Variants in RBPJ observed in about 807,000 individuals in gnomAD.
RBPJ encodes recombining binding protein suppressor of hairless.
A neutral mutation model predicts 67.8 loss-of-function variants in RBPJ; 9 were observed. That is an observed-to-expected ratio of 0.13 (90% CI 0.08 to 0.23). The LOEUF is 0.23. RBPJ is among the 10% of genes least tolerant of loss of function. The pLI, the probability that RBPJ is intolerant of heterozygous loss-of-function variation, is 1.00. For synonymous variants in RBPJ, 198 were observed against 203.3 expected, an observed-to-expected ratio of 0.97 and a Z score of 0.22; for missense variants, 305 against 595.6, an observed-to-expected ratio of 0.51 and a Z score of 5.08.
intron 1 of RBPJ, among the ~76,000 whole-genome samples, chr4:26,251,306 GC>G (rs2064965515): frequency 6.6e-6 from 1 of 152,030 alleles, no homozygotes; most frequent in South Asian, 2.1e-4. Flanking sequence ...AAAAGTGGTA[GC>G]AAAACTGGAC....
At chr4:26,162,626 G>T (rs1033084341), upstream of RBPJ, among the ~76,000 whole-genome samples, 1 of 152,168 alleles carries the variant, frequency 6.6e-6, no homozygotes, top group African/African-American at 2.4e-5. Flanking sequence ...TTCTACAGAT[G>T]AACAAATTGA....
intron 1 of RBPJ, among the ~76,000 whole-genome samples, chr4:26,178,082 A>G (rs1346500273): frequency 6.6e-6 from 1 of 152,252 alleles, no homozygotes; most frequent in Non-Finnish European, 1.5e-5. Context: ...CCAGGTAGAA[A>G]TAATATAGCA....
chr4:26,132,860 C>A, the RBPJ span, among the ~76,000 whole-genome samples: 3 of 152,170 alleles, frequency 2.0e-5, no homozygotes, highest in African/African-American at 7.2e-5. Context: ...GGGTCCTTAC[C>A]TAACAACCAG....
rs28418802 is a variant in RBPJ at position 26,379,681 on chromosome 4, A to G, written c.21-6672A>G. 1.8e-3 allele frequency among the ~76,000 whole-genome samples: 277 copies of G among 152,184 alleles called. 1 individual carries two copies. The highest frequency in any genetic ancestry group is 6.0e-3 in the African/African-American group (249 of 41,520). ...ACACATGGGGATTATGGGGATTACA[A>G]TTCAAGAGATTTGGGTAAGAACACA... On this transcript the variant is annotated intron_variant, in intron 1 of 10. Coordinates refer to ENST00000355476, the MANE Select transcript of RBPJ (RefSeq NM_015874.6).
At chr4:26,169,005 C>T (rs1716437523) in intron 1 of RBPJ, among the ~76,000 whole-genome samples, 1 of 152,176 alleles carries the variant, frequency 6.6e-6, no homozygotes, top group South Asian at 2.1e-4. Flanking sequence ...ACTTCCTTGC[C>T]TTTGGTTTGA....
At chr4:26,379,403 A>T (rs1455455462) in intron 1 of RBPJ, among the ~76,000 whole-genome samples, 1 of 152,116 alleles carries the variant, frequency 6.6e-6, no homozygotes, top group Non-Finnish European at 1.5e-5. Flanking sequence ...GAGACTGAAT[A>T]ATGTATAAAG....
At chr4:26,375,342 C>G (rs984942316) in intron 1 of RBPJ, among the ~76,000 whole-genome samples, 31 of 150,154 alleles carry the variant, frequency 2.1e-4, no homozygotes, top group Non-Finnish European at 3.7e-4. Flanking sequence ...GATACGCATG[C>G]AAAGTATGTA....
intron 1 of RBPJ, among the ~76,000 whole-genome samples, chr4:26,327,159 A>G (rs544009383): frequency 3.3e-5 from 5 of 152,304 alleles, no homozygotes; most frequent in Non-Finnish European, 7.3e-5. Context: ...CTTATGCCTC[A>G]TTAGACCTGC....
chr4:26,223,154 C>CAAA (rs549173084), intron 1 of RBPJ, among the ~76,000 whole-genome samples: 21 of 99,700 alleles, frequency 2.1e-4, no homozygotes, highest in Admixed American at 1.4e-3. Context: ...GACACTGTCT[C>CAAA]AAAAAAAAAA....
rs1037418204 is a variant in RBPJ at position 26,381,787 on chromosome 4, T to TTTG, written c.21-4554_21-4552dup. 3.3e-5 allele frequency among the ~76,000 whole-genome samples: 5 copies of TTTG among 152,264 alleles called. No homozygotes were observed. In the East Asian group the frequency reaches 9.6e-4, roughly 29 times the overall value. Reference sequence around the variant, plus strand: ...TATCCTGGTTCATTTTTGCTTTGTTTTTGTTGTTGTTGTTATTAAAGCCCA... The same window carrying TTTG: ...TATCCTGGTTCATTTTTGCTTTGTTTTTGTTGTTGTTGTTGTTATTAAAGCCCA... On this transcript the variant is annotated intron_variant, in intron 1 of 10. Transcript: ENST00000355476.
At chr4:26,108,253 C>T in the RBPJ span, among the ~76,000 whole-genome samples, 1 of 152,158 alleles carries the variant, frequency 6.6e-6, no homozygotes, top group South Asian at 2.1e-4. Context: ...ACGGAAGTGA[C>T]AATTCTCCTT....
At chr4:26,426,020 T>C (rs1196873754) in intron 7 of RBPJ, among the ~76,000 whole-genome samples, 10 of 152,070 alleles carry the variant, frequency 6.6e-5, no homozygotes, top group African/African-American at 2.2e-4. Flanking sequence ...GTCAATGCAA[T>C]AAGCTAGAAG....
intron 8 of RBPJ, 101 bp from the exon 9 acceptor site, chr4:26,429,797 T>C: frequency 8.4e-6 from 8 of 947,390 alleles, no homozygotes; most frequent in Non-Finnish European, 1.3e-5. Context: ...TACTGAGTTA[T>C]CTTCTTATTA....
chr4:26,270,444 GA>G (rs1159662178), intron 1 of RBPJ, among the ~76,000 whole-genome samples: 1 of 130,206 alleles, frequency 7.7e-6, no homozygotes, highest in Non-Finnish European at 1.7e-5. Context: ...AAAGAAGAAA[GA>G]AAGAAAGAAA....
the RBPJ span, among the ~76,000 whole-genome samples, chr4:26,132,086 C>T: frequency 0.75 from 114,274 of 151,894 alleles, 43,267 homozygotes; most frequent in East Asian, 0.99. Flanking sequence ...ACATCAGTGA[C>T]GGAAACTGGG....
chr4:26,112,831 T>C, the RBPJ span: 1 of 145,138 alleles, frequency 6.9e-6, no homozygotes, highest in African/African-American at 2.6e-5. Flanking sequence ...GGGATCTCGC[T>C]CACTGCAACC....
At chr4:26,411,416 A>C (rs1362576189) in intron 3 of RBPJ, among the ~76,000 whole-genome samples, 1 of 151,376 alleles carries the variant, frequency 6.6e-6, no homozygotes, top group Non-Finnish European at 1.5e-5. Context: ...GATTTTTACG[A>C]AGTATGGGCA....
chr4:26,256,560 T>A (rs561106665), intron 1 of RBPJ, among the ~76,000 whole-genome samples: 59 of 152,288 alleles, frequency 3.9e-4, no homozygotes, highest in African/African-American at 1.4e-3. Flanking sequence ...TTAAAAATAA[T>A]ATAAGAATGA....
At chr4:26,423,312 T>G (rs1212007672) in intron 5 of RBPJ, among the ~76,000 whole-genome samples, 4 of 152,224 alleles carry the variant, frequency 2.6e-5, no homozygotes, top group African/African-American at 9.6e-5. Flanking sequence ...TGACTTAGGA[T>G]TCCTGCTAAA....
Sources: gnomAD v4.1 joint callset for allele counts (sites outside exome capture counted in the v4.1 genomes callset) on GRCh38, gnomAD v4.1.1 for gene constraint, MANE v1.5 for transcripts, NCBI Gene and HGNC (gene_info 2026-07-23, HGNC 2026-07-21) for gene names.